The following CDH13 variants were observed in gnomAD, a reference collection of about 807,000 sequenced individuals.
CDH13 encodes cadherin-13.
Under a neutral mutation model 63.8 loss-of-function variants are expected in CDH13, and 24 were observed. The ratio of observed to expected loss-of-function variants is 0.38; its 90% CI spans 0.27 to 0.53. The LOEUF is 0.53. Ranked by LOEUF, CDH13 falls within the 20% of genes least tolerant of loss-of-function variation. CDH13 has a pLI of 0.85. For missense variants in CDH13, 1,049 were observed against 903.1 expected (o/e 1.16, Z -2.07); for synonymous variants, 503 against 355.3 (o/e 1.42, Z -4.67).
rs563400364 is a variant in CDH13 at position 83,264,789 on chromosome 16, A to G, written c.636+47292A>G. Among the ~76,000 whole-genome samples the G allele has an allele frequency of 3.3e-5, 5 of 152,024 alleles. 1 individual carries two copies. Among genetic ancestry groups the G allele is most frequent in the African/African-American group, 1.2e-4 (5 of 41,488 alleles). On this transcript the variant is annotated intron_variant, in intron 5 of 13. Transcript: ENST00000567109. ...CATTTGTGTATGCATTTCTCAATAC[A>G]TAATTATACTATCATCATACTATTA...
chr16:83,449,637 C>G (rs774947365), intron 6 of CDH13, among the ~76,000 whole-genome samples: 1 of 152,186 alleles, frequency 6.6e-6, no homozygotes, highest in Non-Finnish European at 1.5e-5. Context: ...TCCCACATCA[C>G]CTCCCCTCAT....
chr16:83,182,073 C>T (rs1027706848), intron 4 of CDH13, among the ~76,000 whole-genome samples: 1 of 152,140 alleles, frequency 6.6e-6, no homozygotes, highest in African/African-American at 2.4e-5. Flanking sequence ...GTCTGGTACT[C>T]AGTAATTGCT....
chr16:83,050,005 G>A (rs768181583), intron 3 of CDH13, among the ~76,000 whole-genome samples: 38 of 151,366 alleles, frequency 2.5e-4, no homozygotes, highest in Non-Finnish European at 4.6e-4. Context: ...CTACAAAAAC[G>A]TTGTATACTT....
intron 4 of CDH13, among the ~76,000 whole-genome samples, chr16:83,202,444 C>A (rs2151767294): frequency 6.6e-6 from 1 of 152,222 alleles, no homozygotes; most frequent in East Asian, 1.9e-4. Context: ...TTAATCAGGG[C>A]ATGATCCAAT....
intron 4 of CDH13, among the ~76,000 whole-genome samples, chr16:83,193,618 T>G (rs531666898): frequency 1.8e-4 from 28 of 152,310 alleles, no homozygotes; most frequent in African/African-American, 6.5e-4. Flanking sequence ...AAGAGTCAAG[T>G]TCAAAAGCAG....
intron 6 of CDH13, among the ~76,000 whole-genome samples, chr16:83,356,303 T>G (rs1169465807): frequency 6.6e-6 from 1 of 150,764 alleles, no homozygotes; most frequent in Non-Finnish European, 1.5e-5. Context: ...CAACCTTCCT[T>G]AGTCATTTTA....
intron 2 of CDH13, among the ~76,000 whole-genome samples, chr16:82,895,752 A>G (rs138972745): frequency 6.6e-6 from 1 of 151,894 alleles, no homozygotes; most frequent in Non-Finnish European, 1.5e-5. Flanking sequence ...CTGTTAGATT[A>G]ACCATTTGTA....
chr16:83,182,587 T>C (rs1192251473), intron 4 of CDH13, among the ~76,000 whole-genome samples: 2 of 152,230 alleles, frequency 1.3e-5, no homozygotes, highest in African/African-American at 2.4e-5. Flanking sequence ...CTGTTAGTCA[T>C]GCCATGCTGT....
chr16:83,093,617 G>C lies in CDH13; in HGVS notation c.367-31768G>C, dbSNP rs757987161. Among the ~76,000 whole-genome samples, 46 of 152,102 alleles carry C rather than the reference G, an allele frequency of 3.0e-4. 1 individual carries two copies. Among genetic ancestry groups the C allele is most frequent in the Non-Finnish European group, 5.0e-4 (34 of 67,994 alleles). ...TTACAGGCATGAACCACTGCTCCCAGCCCACCATAAGTACTTTAATATGCT... is the reference window on the plus strand; with the variant it reads ...TTACAGGCATGAACCACTGCTCCCACCCCACCATAAGTACTTTAATATGCT... On this transcript the variant is annotated intron_variant, in intron 3 of 13. Transcript: ENST00000567109.
chr16:82,761,088 A>G (rs1300561914), intron 1 of CDH13, among the ~76,000 whole-genome samples: 4 of 119,924 alleles, frequency 3.3e-5, no homozygotes, highest in Non-Finnish European at 6.4e-5. Context: ...CAGTGGCATG[A>G]TCTTAGCTCA....
chr16:83,690,367 T>C (rs1158961357), intron 10 of CDH13, among the ~76,000 whole-genome samples: 1 of 152,156 alleles, frequency 6.6e-6, no homozygotes, highest in Admixed American at 6.5e-5. Context: ...AGTGCTGTGA[T>C]GCTTCAGTGA....
At chr16:82,711,184 A>G (rs28397949) in intron 1 of CDH13, among the ~76,000 whole-genome samples, 41,043 of 152,022 alleles carry the variant, frequency 0.27, 6,215 homozygotes, top group Admixed American at 0.38. Flanking sequence ...GGAGGTTCTA[A>G]TAATGACTAT....
chr16:82,808,705 T>C (rs1314882352), intron 1 of CDH13, among the ~76,000 whole-genome samples: 1 of 152,154 alleles, frequency 6.6e-6, no homozygotes, highest in Non-Finnish European at 1.5e-5. Flanking sequence ...GTTAGGCAAT[T>C]TTATACAAGA....
chr16:83,045,931 C>G (rs1008856085), intron 3 of CDH13, among the ~76,000 whole-genome samples: 145 of 152,342 alleles, frequency 9.5e-4, no homozygotes, highest in Non-Finnish European at 3.2e-4. Context: ...CAAATACATC[C>G]TCCAGTCTAC....
intron 7 of CDH13, among the ~76,000 whole-genome samples, chr16:83,517,085 A>G (rs1292395032): frequency 6.6e-6 from 1 of 152,206 alleles, no homozygotes; most frequent in African/African-American, 2.4e-5. Context: ...AAAGGGAAAT[A>G]TGAAGTGAAT....
chr16:82,858,386 G>C lies in CDH13; in HGVS notation c.70G>C (p.Asp24His), dbSNP rs1468110646. Residue 24 changes from aspartate to histidine, a missense_variant, in exon 2 of 14, where the codon GAT becomes CAT. Coordinates refer to ENST00000567109, the MANE Select transcript of CDH13 (RefSeq NM_001257.5). The part of the protein sequence containing the change: ...SQVLLLTSAE[D>H]LDCTPGFQQK... ...GGTGCTGCTGCTAACATCTGCAGAA[G>C]ATTTGGACTGCACTCCTGGATTTCA... The C allele has an allele frequency of 1.9e-6, 3 of 1,613,304 alleles. No individual in the cohort carries two copies. The highest frequency in any genetic ancestry group is 3.3e-5 in the Admixed American group (2 of 59,996).
At chr16:83,765,014 A>T (rs1200638547) in intron 11 of CDH13, among the ~76,000 whole-genome samples, 1 of 152,100 alleles carries the variant, frequency 6.6e-6, no homozygotes, top group Non-Finnish European at 1.5e-5. Context: ...TTTCTAGCAC[A>T]CTCAAATGCC....
At chr16:83,514,158 T>C (rs942686125) in intron 7 of CDH13, among the ~76,000 whole-genome samples, 7 of 152,238 alleles carry the variant, frequency 4.6e-5, no homozygotes, top group African/African-American at 1.7e-4. Context: ...TTTATTTACA[T>C]GCACTTAATC....
At chr16:82,956,695 C>T (rs540928175) in intron 2 of CDH13, among the ~76,000 whole-genome samples, 9 of 152,324 alleles carry the variant, frequency 5.9e-5, no homozygotes, top group Admixed American at 2.6e-4. Flanking sequence ...TTGTGTTGAG[C>T]AGAGCCAAAC....
Sources: allele counts gnomAD v4.1 joint callset (sites outside exome capture counted in the v4.1 genomes callset), GRCh38; gene constraint gnomAD v4.1.1; transcripts MANE v1.5; gene names NCBI Gene and HGNC (gene_info 2026-07-23, HGNC 2026-07-21).